KLF17: variants seen among roughly 807,000 people sequenced by gnomAD.
KLF17 encodes KLF transcription factor 17.
Under a neutral mutation model 34.2 loss-of-function variants are expected in KLF17, and 31 were observed. The observed-to-expected ratio is 0.91, with a 90% CI of 0.68 to 1.22. The LOEUF (loss-of-function observed/expected upper bound fraction) is 1.22, where lower values mean the gene tolerates loss of function less well. Among genes scored for constraint, KLF17 ranks in the 50% most tolerant of loss-of-function variants. The pLI is 0.00. For synonymous variants in KLF17, 179 were observed against 186.7 expected, an observed-to-expected ratio of 0.96 and a Z score of 0.34; for missense variants, 478 against 505.2, an observed-to-expected ratio of 0.95 and a Z score of 0.52.
chr1:44,118,832 C>CT lies in KLF17; in HGVS notation c.-76_-75insT. ...AAGGTGATTGTGGCGTGGCGATGTA[C>CT]CGATACCCGCCTGCGACGCCGTGGT... is the stretch of plus-strand genomic sequence containing the variant. On this transcript the variant is annotated 5_prime_UTR_variant, in exon 1 of 4. It introduces an in-frame stop codon into an upstream open reading frame of the 5' UTR. Coordinates refer to ENST00000372299, the MANE Select transcript of KLF17 (RefSeq NM_173484.4). 8.7e-7 allele frequency: 1 copy of CT among 1,148,434 alleles called. No individual in the cohort carries two copies. The highest frequency in any genetic ancestry group is 2.9e-5 in the East Asian group (1 of 34,564). The allele number at this position is 1,148,434 out of a possible 1,614,324, so 71.1% of individuals were successfully genotyped here.
intron 1 of KLF17, among the ~76,000 whole-genome samples, chr1:44,121,315 A>AC (rs2087943120): frequency 2.6e-5 from 4 of 151,994 alleles, no homozygotes; most frequent in African/African-American, 9.7e-5. Flanking sequence ...GGATTTTGCT[A>AC]TGTTTGTCAG....
intron 1 of KLF17, among the ~76,000 whole-genome samples, chr1:44,127,692 T>TTCTTTTCTTTCTTTC (rs753421834): frequency 3.3e-5 from 3 of 90,136 alleles, no homozygotes; most frequent in African/African-American, 1.7e-4. Flanking sequence ...CTTTCTTTCT[T>TTCTTTTCTTTCTTTC]TTTCTTTCTT....
At chr1:44,054,524 G>T in the KLF17 span, among the ~76,000 whole-genome samples, 5 of 123,330 alleles carry the variant, frequency 4.1e-5, no homozygotes, top group African/African-American at 1.6e-4. Flanking sequence ...TCTGTCGCCC[G>T]GGCTGGAGTG....
the KLF17 span, among the ~76,000 whole-genome samples, chr1:44,080,824 C>T: frequency 6.7e-6 from 1 of 149,044 alleles, no homozygotes; most frequent in Non-Finnish European, 1.5e-5. Flanking sequence ...AAACAATCCT[C>T]CTGCCTCAGC....
the KLF17 span, among the ~76,000 whole-genome samples, chr1:44,049,163 A>G: frequency 5.3e-5 from 8 of 152,172 alleles, no homozygotes; most frequent in Non-Finnish European, 1.0e-4. Context: ...TAGAGAGAGC[A>G]TGAGCAAGCT....
At chr1:44,104,555 A>C in the KLF17 span, 1 of 678,554 alleles carries the variant, frequency 1.5e-6, no homozygotes, top group South Asian at 1.6e-5. Context: ...GGGGCTCAGC[A>C]GACTCTGGTT....
At chr1:44,071,926 C>G in the KLF17 span, among the ~76,000 whole-genome samples, 2 of 152,150 alleles carry the variant, frequency 1.3e-5, no homozygotes, top group African/African-American at 4.8e-5. Flanking sequence ...CCCCATCACA[C>G]TGTTGCTCCC....
the KLF17 span, among the ~76,000 whole-genome samples, chr1:44,082,335 G>A: frequency 6.6e-6 from 1 of 152,206 alleles, no homozygotes; most frequent in African/African-American, 2.4e-5. Context: ...AATTACATTG[G>A]CTATTGGCCA....
chr1:44,075,989 A>G, the KLF17 span: 5 of 152,340 alleles, frequency 3.3e-5, no homozygotes, highest in Middle Eastern at 3.4e-3. Flanking sequence ...AAGTGGTTGC[A>G]CCAATTCTGT....
intron 1 of KLF17, chr1:44,122,503 C>T (rs1456872811): frequency 1.3e-5 from 13 of 991,488 alleles, no homozygotes; most frequent in South Asian, 5.1e-5. Context: ...AAAAATCTCA[C>T]GAGCTTCATC....
the KLF17 span, among the ~76,000 whole-genome samples, chr1:44,098,818 G>A: frequency 6.6e-6 from 1 of 151,678 alleles, no homozygotes; most frequent in East Asian, 1.9e-4. Context: ...CCAAAGTGCT[G>A]GGATTACAGG....
chr1:44,122,422 C>T, intron 1 of KLF17: 1 of 1,485,684 alleles, frequency 6.7e-7, no homozygotes, highest in Non-Finnish European at 9.4e-7. Context: ...ACATCCACAC[C>T]TGTGACTGTT....
chr1:44,077,211 G>A, the KLF17 span, among the ~76,000 whole-genome samples: 1 of 151,970 alleles, frequency 6.6e-6, no homozygotes, highest in African/African-American at 2.4e-5. Flanking sequence ...CAGTTGTGGT[G>A]GTGTGCGCCT....
intron 1 of KLF17, among the ~76,000 whole-genome samples, chr1:44,125,889 G>A (rs1014247786): frequency 6.6e-6 from 1 of 151,984 alleles, no homozygotes; most frequent in African/African-American, 2.4e-5. Context: ...AAGGGGAGGG[G>A]GTTGTAACAT....
chr1:44,062,392 G>A, the KLF17 span, among the ~76,000 whole-genome samples: 9 of 152,078 alleles, frequency 5.9e-5, no homozygotes, highest in African/African-American at 2.2e-4. Context: ...AAAAATCAGA[G>A]CATTATTTCT....
At chr1:44,071,666 A>G in the KLF17 span, among the ~76,000 whole-genome samples, 1 of 152,046 alleles carries the variant, frequency 6.6e-6, no homozygotes, top group Non-Finnish European at 1.5e-5. Flanking sequence ...CACTGCTACA[A>G]TTGGCAGGTC....
chr1:44,093,808 A>G, the KLF17 span, among the ~76,000 whole-genome samples: 1 of 152,340 alleles, frequency 6.6e-6, no homozygotes, highest in Non-Finnish European at 1.5e-5. Flanking sequence ...AGTTAGTCAG[A>G]TAAGGGAAGT....
intron 1 of KLF17, among the ~76,000 whole-genome samples, chr1:44,127,614 C>CTT (rs61411252): frequency 1.5e-5 from 1 of 66,958 alleles, no homozygotes; most frequent in Non-Finnish European, 3.3e-5. Flanking sequence ...TTCTTTCTTT[C>CTT]TTTTCTTTTC....
chr1:44,049,349 T>A, the KLF17 span, among the ~76,000 whole-genome samples: 1 of 152,130 alleles, frequency 6.6e-6, no homozygotes, highest in South Asian at 2.1e-4. Context: ...ATAATAACCA[T>A]CCAGTAAAGA....
Sources: gnomAD v4.1 joint callset for allele counts (sites outside exome capture counted in the v4.1 genomes callset) on GRCh38, gnomAD v4.1.1 for gene constraint, MANE v1.5 for transcripts, NCBI Gene and HGNC (gene_info 2026-07-23, HGNC 2026-07-21) for gene names.